Variants in MTMR8 observed in about 807,000 individuals in gnomAD.
MTMR8 encodes the protein myotubularin related protein 8.
Under a neutral mutation model 39.3 loss-of-function variants are expected in MTMR8, and 65 were observed. The ratio of observed to expected loss-of-function variants is 1.65; its 90% CI spans 1.35 to 2.03. The LOEUF (loss-of-function observed/expected upper bound fraction) is 2.03, where lower values mean the gene tolerates loss of function less well. Among genes scored for constraint, MTMR8 ranks in the 30% most tolerant of loss-of-function variants. MTMR8 has a pLI of 0.00. For synonymous variants in MTMR8, 245 were observed against 185.2 expected (o/e 1.32, Z -2.62); for missense variants, 777 against 538.9 (o/e 1.44, Z -4.37).
At chrX:64,372,018 A>T (rs1924142015) in intron 1 of MTMR8, among the ~76,000 whole-genome samples, 1 of 109,091 alleles carries the variant, frequency 9.2e-6, no homozygotes, top group African/African-American at 3.3e-5. Flanking sequence ...AGGTATGCAT[A>T]CCTACATACC....
At chrX:64,275,095 A>G (rs1038774887) in intron 12 of MTMR8, among the ~76,000 whole-genome samples, 30 of 111,826 alleles carry the variant, frequency 2.7e-4, no homozygotes, top group African/African-American at 9.1e-4. Context: ...GAGGTGATGG[A>G]TATGTTAATT....
intron 12 of MTMR8, among the ~76,000 whole-genome samples, chrX:64,290,093 T>C (rs1026475316): frequency 2.7e-5 from 3 of 110,431 alleles, no homozygotes; most frequent in Admixed American, 1.9e-4. Context: ...ACTACTGAAT[T>C]AAAACCTAAA....
intron 12 of MTMR8, among the ~76,000 whole-genome samples, chrX:64,281,818 C>G (rs1029035944): frequency 2.0e-4 from 22 of 107,974 alleles, no homozygotes; most frequent in African/African-American, 7.2e-4. Context: ...TTCTAATATC[C>G]AGAATTTACA....
Position 64,349,979 on chromosome X carries a change from C to A in MTMR8, c.560G>T (p.Arg187Leu). Reference protein sequence around the residue: ...VGSSKFRSKERVPVLSYLYKE... With the variant: ...VGSSKFRSKELVPVLSYLYKE... ...GTAGAGGTAGGAGAGCACAGGGACA[C>A]GTTCTTTACTTCTGAACTTTGAACT... The change falls in exon 5 of 14, where the codon CGT becomes CTT. Residue 187 changes from arginine to leucine, a missense_variant. Physicochemically the swap from Arg to Leu is moderately radical, Grantham distance 102. Transcript: ENST00000374852. 4 of 1,195,975 alleles carry A rather than the reference C, an allele frequency of 3.3e-6. No individual in the cohort carries two copies. Among genetic ancestry groups the A allele is most frequent in the Non-Finnish European group, 4.5e-6 (4 of 886,829 alleles).
intron 12 of MTMR8, among the ~76,000 whole-genome samples, chrX:64,284,699 C>G (rs1921090290): frequency 9.0e-6 from 1 of 111,239 alleles, no homozygotes; most frequent in Non-Finnish European, 1.9e-5. Context: ...AATTTTCAAC[C>G]CAGAATTTCA....
chrX:64,381,012 G>A (rs1924402293), intron 1 of MTMR8, among the ~76,000 whole-genome samples: 1 of 111,979 alleles, frequency 8.9e-6, no homozygotes, highest in Non-Finnish European at 1.9e-5. Context: ...CATTTGGCTT[G>A]GTTCCAAGTC....
intron 1 of MTMR8, among the ~76,000 whole-genome samples, chrX:64,379,495 A>C (rs1175971482): frequency 9.0e-6 from 1 of 111,617 alleles, no homozygotes; most frequent in East Asian, 2.8e-4. Context: ...ACCAAAATCA[A>C]GGTGTCAGCA....
chrX:64,352,158 G>T (rs1006942901), intron 4 of MTMR8, among the ~76,000 whole-genome samples: 3 of 111,365 alleles, frequency 2.7e-5, no homozygotes, highest in Admixed American at 1.9e-4. Flanking sequence ...ATGTGGGCAG[G>T]CTCCAATAGA....
intron 4 of MTMR8, among the ~76,000 whole-genome samples, chrX:64,350,910 C>T (rs1202921142): frequency 9.0e-6 from 1 of 111,470 alleles, no homozygotes; most frequent in Non-Finnish European, 1.9e-5. Flanking sequence ...AGAACACCCC[C>T]AAACATTTAA....
chrX:64,379,410 G>A (rs916302969), intron 1 of MTMR8, among the ~76,000 whole-genome samples: 2 of 111,703 alleles, frequency 1.8e-5, no homozygotes, highest in Admixed American at 1.9e-4. Context: ...TGCTAGGGCT[G>A]CCATAACAAA....
chrX:64,363,177 A>C (rs1038060118), intron 1 of MTMR8, among the ~76,000 whole-genome samples: 3 of 111,249 alleles, frequency 2.7e-5, no homozygotes, highest in African/African-American at 9.8e-5. Context: ...GGCACTACTT[A>C]ATAAAAAAAA....
intron 1 of MTMR8, 49 bp from the exon 2 acceptor site, chrX:64,359,576 T>C: frequency 1.8e-6 from 2 of 1,132,620 alleles, no homozygotes; most frequent in Non-Finnish European, 2.4e-6. Flanking sequence ...TCACCACCTA[T>C]GATTGAAGTG....
chrX:64,287,998 G>GAAA, intron 12 of MTMR8, among the ~76,000 whole-genome samples: 1 of 3,722 alleles, frequency 2.7e-4, no homozygotes, highest in Non-Finnish European at 5.6e-4. Flanking sequence ...CTGCTACACA[G>GAAA]CAAAAAAAAA....
intron 12 of MTMR8, among the ~76,000 whole-genome samples, chrX:64,285,924 A>G (rs960242891): frequency 5.4e-5 from 6 of 111,465 alleles, no homozygotes; most frequent in Non-Finnish European, 7.5e-5. Flanking sequence ...AACTAGAGAA[A>G]CAAGAACAAA....
At chrX:64,315,304 C>A (rs1922434881) in intron 12 of MTMR8, among the ~76,000 whole-genome samples, 1 of 111,789 alleles carries the variant, frequency 8.9e-6, no homozygotes, top group African/African-American at 3.3e-5. Flanking sequence ...AGTAACAAGT[C>A]CCAGGCATGG....
chrX:64,360,781 G>C (rs1285187098), intron 1 of MTMR8, among the ~76,000 whole-genome samples: 2 of 111,776 alleles, frequency 1.8e-5, no homozygotes, highest in Non-Finnish European at 3.8e-5. Flanking sequence ...AAATTTGAAG[G>C]ACAGAGTTAA....
chrX:64,304,860 T>TTTTA (rs1555950481), intron 12 of MTMR8, among the ~76,000 whole-genome samples: 1 of 28,564 alleles, frequency 3.5e-5, no homozygotes, highest in Non-Finnish European at 8.7e-5. Context: ...GATCAAACAT[T>TTTTA]TATATATATA....
chrX:64,364,544 C>T (rs977340549), intron 1 of MTMR8, among the ~76,000 whole-genome samples: 3 of 112,006 alleles, frequency 2.7e-5, no homozygotes, highest in Non-Finnish European at 5.6e-5. Flanking sequence ...GGAAAAGTAA[C>T]AAACAGAAAG....
chrX:64,386,286 C>T (rs919567942), intron 1 of MTMR8, among the ~76,000 whole-genome samples: 1 of 111,644 alleles, frequency 9.0e-6, no homozygotes, highest in Non-Finnish European at 1.9e-5. Context: ...GTAATTTTGT[C>T]TTTTGATAAT....
Sources: gnomAD v4.1 joint callset for allele counts (sites outside exome capture counted in the v4.1 genomes callset) on GRCh38, gnomAD v4.1.1 for gene constraint, MANE v1.5 for transcripts, NCBI Gene and HGNC (gene_info 2026-07-23, HGNC 2026-07-21) for gene names.